Variants in CSMD2 observed in about 807,000 individuals in gnomAD.
The protein encoded by CSMD2 is CUB and sushi domain-containing protein 2.
A neutral mutation model predicts 398.5 loss-of-function variants in CSMD2; 130 were observed. That is an observed-to-expected ratio of 0.33 (90% confidence interval 0.28 to 0.38). The LOEUF is 0.38. CSMD2 is among the 10% of genes least tolerant of loss of function. CSMD2 has a pLI of 1.00. For missense variants in CSMD2, 3,829 were observed against 4,764.9 expected (o/e 0.80, Z 5.78); for synonymous variants, 1,828 against 1,908.5 (o/e 0.96, Z 1.10).
rs1353364803 is a variant in CSMD2 at position 34,011,729 on chromosome 1, C to T, written c.517+20865G>A. On this transcript the variant is annotated intron_variant, in intron 3 of 70. Transcript: ENST00000373381. ...ATGTATCCTTTGTGTTACAAACAAT[C>T]CAATTATACTGTTTCAGTTATTTTA... 2.6e-5 allele frequency among the ~76,000 whole-genome samples: 4 copies of T among 152,076 alleles called. No individual in the cohort carries two copies. The East Asian group carries it at 7.7e-4, about 29-fold the overall frequency.
intron 4 of CSMD2, among the ~76,000 whole-genome samples, chr1:33,925,213 A>T (rs1331120892): frequency 2.0e-5 from 3 of 152,064 alleles, no homozygotes; most frequent in Non-Finnish European, 4.4e-5. Flanking sequence ...ATTCATTTTA[A>T]GTTGATTTTT....
At chr1:34,011,000 C>G (rs1333259737) in intron 3 of CSMD2, among the ~76,000 whole-genome samples, 1 of 152,136 alleles carries the variant, frequency 6.6e-6, no homozygotes, top group Non-Finnish European at 1.5e-5. Flanking sequence ...GTCTTTACTT[C>G]CTCTAGGAGG....
chr1:33,820,066 G>A (rs1176917658), intron 8 of CSMD2, among the ~76,000 whole-genome samples: 2 of 152,192 alleles, frequency 1.3e-5, no homozygotes, highest in Non-Finnish European at 2.9e-5. Context: ...GTGACTTTGT[G>A]AGCAAAACAG....
chr1:33,904,885 A>G (rs1438953543), intron 5 of CSMD2, among the ~76,000 whole-genome samples: 1 of 152,060 alleles, frequency 6.6e-6, no homozygotes, highest in Non-Finnish European at 1.5e-5. Flanking sequence ...TGACCTCATC[A>G]TCTGCCCGCC....
intron 22 of CSMD2, among the ~76,000 whole-genome samples, chr1:33,707,670 C>T (rs776017964): frequency 1.0e-4 from 15 of 148,826 alleles, no homozygotes; most frequent in Non-Finnish European, 2.1e-4. Flanking sequence ...ATTTCAAACA[C>T]GCACGCGTGC....
At position 33,619,587 on chromosome 1, in the gene CSMD2, T is replaced by C. The variant is rs569238140; in HGVS notation, c.5828-1970A>G. Among the ~76,000 whole-genome samples, 350 of 152,332 alleles carry C rather than the reference T, an allele frequency of 2.3e-3. 3 individuals are homozygous for C. The highest frequency in any genetic ancestry group is 8.1e-3 in the African/African-American group (335 of 41,576). ...CATGGTAATAATCAAGTAAACATCA[T>C]AATCTTGAGTGTACATGTGCTGAGT... is the stretch of plus-strand genomic sequence containing the variant. On this transcript the variant is annotated intron_variant, in intron 37 of 70. Transcript: ENST00000373381.
chr1:33,975,806 T>C (rs1165338762), intron 3 of CSMD2, among the ~76,000 whole-genome samples: 1 of 152,262 alleles, frequency 6.6e-6, no homozygotes, highest in East Asian at 1.9e-4. Context: ...GCTTTGGGGA[T>C]GTCGAACTGA....
chr1:33,554,483 G>A lies in CSMD2; in HGVS notation c.8743+3251C>T, dbSNP rs142925862. On this transcript the variant is annotated intron_variant, in intron 55 of 70. Transcript: ENST00000373381. ...GCTGGGATTACACGCATGAGCCACCGACAGCCTTCTATTTGAAGAAGATGC... is the reference window on the plus strand; with the variant it reads ...GCTGGGATTACACGCATGAGCCACCAACAGCCTTCTATTTGAAGAAGATGC... Among the ~76,000 whole-genome samples the A allele has an allele frequency of 2.1e-4, 32 of 152,144 alleles. No homozygotes were observed. The East Asian group carries it at 4.2e-3, about 20-fold the overall frequency.
intron 25 of CSMD2, among the ~76,000 whole-genome samples, chr1:33,692,566 A>T (rs1313156964): frequency 6.6e-6 from 1 of 152,218 alleles, no homozygotes; most frequent in African/African-American, 2.4e-5. Context: ...TGAGATCCAC[A>T]CTCTACAGAA....
chr1:33,968,097 G>A (rs1398824997), intron 3 of CSMD2, among the ~76,000 whole-genome samples: 5 of 152,192 alleles, frequency 3.3e-5, no homozygotes, highest in Admixed American at 3.3e-4. Context: ...AGGAAGATGA[G>A]AAGCCCGACC....
chr1:34,000,571 G>A (rs1196377817), intron 3 of CSMD2, among the ~76,000 whole-genome samples: 4 of 152,056 alleles, frequency 2.6e-5, no homozygotes, highest in Non-Finnish European at 4.4e-5. Context: ...ACTATTCTTT[G>A]GCAAATATTT....
intron 2 of CSMD2, among the ~76,000 whole-genome samples, chr1:34,033,953 A>T (rs559598484): frequency 7.2e-5 from 11 of 152,286 alleles, no homozygotes; most frequent in African/African-American, 2.6e-4. Flanking sequence ...AAAGCAAAGA[A>T]AAAATTATCA....
chr1:33,836,718 A>G (rs1660314080), intron 6 of CSMD2, among the ~76,000 whole-genome samples: 1 of 152,208 alleles, frequency 6.6e-6, no homozygotes, highest in Non-Finnish European at 1.5e-5. Flanking sequence ...GGAAAAGCAC[A>G]TTATTAGGGT....
At chr1:33,573,851 C>T (rs566255387) in intron 49 of CSMD2, among the ~76,000 whole-genome samples, 39 of 152,094 alleles carry the variant, frequency 2.6e-4, no homozygotes, top group South Asian at 1.7e-3. Context: ...TTCACCATCA[C>T]GGAATTTTGT....
chr1:33,949,742 T>G (rs1339970034), intron 3 of CSMD2, among the ~76,000 whole-genome samples: 1 of 152,174 alleles, frequency 6.6e-6, no homozygotes, highest in Non-Finnish European at 1.5e-5. Flanking sequence ...AAGTGGCACA[T>G]GGCCAAGAGT....
At chr1:33,742,319 G>A (rs1008654781) in intron 14 of CSMD2, among the ~76,000 whole-genome samples, 1 of 152,232 alleles carries the variant, frequency 6.6e-6, no homozygotes, top group Non-Finnish European at 1.5e-5. Context: ...GAAAACGGAG[G>A]CAAGGCCTTT....
chr1:33,612,443 C>G (rs1641069693), intron 40 of CSMD2, among the ~76,000 whole-genome samples: 2 of 152,122 alleles, frequency 1.3e-5, no homozygotes, highest in African/African-American at 4.8e-5. Flanking sequence ...GTTTTGGATT[C>G]TTAAATATGT....
intron 25 of CSMD2, among the ~76,000 whole-genome samples, chr1:33,676,222 C>A (rs1050260806): frequency 5.9e-5 from 9 of 152,174 alleles, no homozygotes; most frequent in Non-Finnish European, 1.2e-4. Context: ...ATCATCTCAG[C>A]CCAAAATCTC....
intron 1 of CSMD2, among the ~76,000 whole-genome samples, chr1:34,097,508 A>G (rs1659466343): frequency 3.8e-5 from 5 of 131,550 alleles, no homozygotes; most frequent in South Asian, 2.8e-4. Context: ...TTCGCAACCT[A>G]CTCATCTGAC....
Sources: allele counts gnomAD v4.1 joint callset (sites outside exome capture counted in the v4.1 genomes callset), GRCh38; gene constraint gnomAD v4.1.1; transcripts MANE v1.5; gene names NCBI Gene and HGNC (gene_info 2026-07-23, HGNC 2026-07-21).